Variants in NDC1 observed in about 807,000 individuals in gnomAD.
The protein encoded by NDC1 is nucleoporin NDC1.
Under a neutral mutation model 89.8 loss-of-function variants are expected in NDC1, and 24 were observed. The observed-to-expected ratio is 0.27, with a 90% confidence interval of 0.19 to 0.38. NDC1 has a LOEUF of 0.38. Among genes scored for constraint, NDC1 ranks in the 10% least tolerant of loss-of-function variants. NDC1 has a pLI of 1.00. For synonymous variants in NDC1, 296 were observed against 284.8 expected, an observed-to-expected ratio of 1.04 and a Z score of -0.39; for missense variants, 728 against 797.6, an observed-to-expected ratio of 0.91 and a Z score of 1.05.
intron 16 of NDC1, among the ~76,000 whole-genome samples, chr1:53,782,771 CTT>C (rs1647224146): frequency 6.6e-6 from 1 of 152,222 alleles, no homozygotes; most frequent in Non-Finnish European, 1.5e-5. Context: ...GTTCCTGTGA[CTT>C]TGTCACCAAC....
chr1:53,790,432 C>T (rs1011013667), intron 14 of NDC1, among the ~76,000 whole-genome samples: 5 of 145,200 alleles, frequency 3.4e-5, no homozygotes, highest in South Asian at 4.5e-4. Context: ...ATTGGCTGGG[C>T]GCGGTGGCTC....
At chr1:53,796,630 G>A (rs1055444889) in intron 13 of NDC1, 59 bp downstream of exon 13, 140 of 981,354 alleles carry the variant, frequency 1.4e-4, no homozygotes, top group Admixed American at 6.2e-4. Flanking sequence ...ACTCATGTGA[G>A]ATCCTTAATG....
At position 53,822,191 on chromosome 1, in the gene NDC1, G is replaced by A. The variant is rs530685700; in HGVS notation, c.595-3112C>T. ...CGTAATTTTTCTACAAAAATTAGTT[G>A]GGCGTGGTAGCGCACGCCTATAGTC... On this transcript the variant is annotated intron_variant, in intron 5 of 17. Coordinates refer to ENST00000371429, the MANE Select transcript of NDC1 (RefSeq NM_018087.5). Among the ~76,000 whole-genome samples, 8 of 152,258 alleles carry A rather than the reference G, an allele frequency of 5.3e-5. No individual in the cohort carries two copies. In the South Asian group the frequency reaches 1.2e-3, roughly 24 times the overall value.
chr1:53,837,444 G>GT (rs1649271281), intron 1 of NDC1, among the ~76,000 whole-genome samples: 1 of 152,084 alleles, frequency 6.6e-6, no homozygotes, highest in African/African-American at 2.4e-5. Flanking sequence ...GTAGTGGTGC[G>GT]TATCTATAAT....
intron 3 of NDC1, among the ~76,000 whole-genome samples, chr1:53,831,048 C>T (rs988491031): frequency 1.3e-5 from 2 of 151,804 alleles, no homozygotes; most frequent in African/African-American, 2.4e-5. Flanking sequence ...GGTGAAACCC[C>T]GTCTCTACTA....
chr1:53,811,433 C>T (rs887226428), intron 6 of NDC1, among the ~76,000 whole-genome samples: 4 of 152,118 alleles, frequency 2.6e-5, no homozygotes, highest in Non-Finnish European at 2.9e-5. Flanking sequence ...TGTTGCAGGG[C>T]GGTGGGAGTG....
chr1:53,832,692 T>A (rs929908447), intron 2 of NDC1, 101 bp from the exon 3 acceptor site: 3 of 627,920 alleles, frequency 4.8e-6, no homozygotes, highest in Non-Finnish European at 8.6e-6. Flanking sequence ...TTGTCATTAA[T>A]TTTAAAGGTT....
chr1:53,822,393 A>G (rs537531399), intron 5 of NDC1, among the ~76,000 whole-genome samples: 8 of 152,300 alleles, frequency 5.3e-5, no homozygotes, highest in Admixed American at 1.3e-4. Context: ...AATAATATAT[A>G]TAAGATAAAA....
chr1:53,821,537 T>C (rs1225626887), intron 5 of NDC1, among the ~76,000 whole-genome samples: 1 of 152,226 alleles, frequency 6.6e-6, no homozygotes, highest in Non-Finnish European at 1.5e-5. Context: ...ATTTTCAAAG[T>C]ACAAGATGTG....
At position 53,797,162 on chromosome 1, in the gene NDC1, C is replaced by A. The variant is rs778199025; in HGVS notation, c.1223-18G>T. ...AGTTTCTTCTGTAAAACAACAGATC[C>A]AGTGCTGAAGAGGCAACCTGATCCA... On this transcript the variant is annotated intron_variant, in intron 11 of 17. Transcript: ENST00000371429. The A allele has an allele frequency of 6.8e-6, 11 of 1,611,486 alleles. No homozygotes were observed. In the South Asian group the frequency reaches 1.1e-4, roughly 16 times the overall value.
At chr1:53,802,408 T>C (rs1184071854) in intron 10 of NDC1, among the ~76,000 whole-genome samples, 4 of 151,980 alleles carry the variant, frequency 2.6e-5, no homozygotes, top group Admixed American at 6.6e-5. Context: ...GGCTCACACC[T>C]GTAATTCTAA....
At chr1:53,817,918 T>C (rs1456522887) in intron 6 of NDC1, among the ~76,000 whole-genome samples, 2 of 152,206 alleles carry the variant, frequency 1.3e-5, no homozygotes, top group Non-Finnish European at 2.9e-5. Context: ...CTATTCATGA[T>C]ACTAAATAAT....
intron 11 of NDC1, among the ~76,000 whole-genome samples, chr1:53,798,138 TTTATTATTA>T (rs71063883): frequency 0.025 from 3,301 of 132,988 alleles, 44 homozygotes; most frequent in Non-Finnish European, 0.029. Context: ...CCATCTTCTT[TTTATTATTA>T]TTATTATTAT....
At position 53,785,641 on chromosome 1, in the gene NDC1, T is replaced by TGGCTCACTG. The variant is rs60408678; in HGVS notation, c.1800+1508_1800+1516dup. 7.1e-3 allele frequency among the ~76,000 whole-genome samples: 1,082 copies of TGGCTCACTG among 151,752 alleles called. 17 individuals are homozygous for TGGCTCACTG. Among genetic ancestry groups the TGGCTCACTG allele is most frequent in the African/African-American group, 0.025 (1,021 of 41,386 alleles). On this transcript the variant is annotated intron_variant, in intron 16 of 17. Transcript: ENST00000371429. ...AGGCTGGAGTGCAATGGCATAATCT[T>TGGCTCACTG]GGCTCACTGCAACCTCTACCTCCCG...
At chr1:53,772,681 C>T (rs781208612) in intron 16 of NDC1, among the ~76,000 whole-genome samples, 192 bp from the exon 17 acceptor site, 2 of 150,420 alleles carry the variant, frequency 1.3e-5, no homozygotes, top group Non-Finnish European at 3.0e-5. Context: ...CATAACATAA[C>T]ATAACATAAC....
rs545206166 is a variant in NDC1 at position 53,791,969 on chromosome 1, G to A, written c.1635+1260C>T. ...TTCTTTTTTTTTTTTTTGAGACGGC[G>A]TCTCGCTCTTTCACCCAGGCCGGAC... On this transcript the variant is annotated intron_variant, in intron 14 of 17. Transcript: ENST00000371429. Among the ~76,000 whole-genome samples, 10 of 149,852 alleles carry A rather than the reference G, an allele frequency of 6.7e-5. No homozygotes were observed. In the South Asian group the frequency reaches 1.7e-3, roughly 25 times the overall value.
At chr1:53,780,319 C>T (rs1647195137) in intron 16 of NDC1, among the ~76,000 whole-genome samples, 1 of 152,180 alleles carries the variant, frequency 6.6e-6, no homozygotes, top group Non-Finnish European at 1.5e-5. Context: ...GGTGATCCAC[C>T]CGCCTCAGCC....
intron 15 of NDC1, 43 bp from the exon 16 acceptor site, chr1:53,787,301 G>A (rs2100638361): frequency 9.2e-7 from 1 of 1,084,730 alleles, no homozygotes; most frequent in East Asian, 2.4e-5. Flanking sequence ...ATCAAAATTA[G>A]GCAAAACTAT....
At chr1:53,807,589 C>A in intron 8 of NDC1, 67 bp downstream of exon 8, 1 of 1,403,822 alleles carries the variant, frequency 7.1e-7, no homozygotes, top group South Asian at 1.4e-5. Context: ...TCAGTGTGCT[C>A]TGCTAAAAAT....
Sources: gnomAD v4.1 joint callset for allele counts (sites outside exome capture counted in the v4.1 genomes callset) on GRCh38, gnomAD v4.1.1 for gene constraint, MANE v1.5 for transcripts, NCBI Gene and HGNC (gene_info 2026-07-23, HGNC 2026-07-21) for gene names.